COMMD1: variants seen among roughly 807,000 people sequenced by gnomAD.
COMMD1 encodes COMM domain-containing protein 1.
Under a neutral mutation model 17.2 loss-of-function variants are expected in COMMD1, and 10 were observed. That is an observed-to-expected ratio of 0.58 (90% CI 0.36 to 0.99). COMMD1 has a LOEUF of 0.99. Among genes scored for constraint, COMMD1 ranks in the 50% least tolerant of loss-of-function variants. The probability of loss-of-function intolerance (pLI) is 0.01; values close to 1 mark genes in which losing one functional copy is unlikely to be tolerated. For synonymous variants in COMMD1, 97 were observed against 91.6 expected, an observed-to-expected ratio of 1.06 and a Z score of -0.34; for missense variants, 270 against 231.8, an observed-to-expected ratio of 1.17 and a Z score of -1.07.
chr2:61,923,487 A>G (rs1350138870), intron 1 of COMMD1, among the ~76,000 whole-genome samples: 1 of 152,106 alleles, frequency 6.6e-6, no homozygotes, highest in African/African-American at 2.4e-5. Flanking sequence ...AACAGTTACT[A>G]GAATATAACA....
upstream of COMMD1, chr2:61,888,459 C>T (rs1278949487): frequency 1.9e-6 from 3 of 1,611,358 alleles, no homozygotes; most frequent in African/African-American, 2.7e-5. Context: ...CCGCGGCCGC[C>T]GGCAGCCCCG....
At chr2:62,027,219 T>C (rs750552222) in intron 2 of COMMD1, among the ~76,000 whole-genome samples, 1 of 152,222 alleles carries the variant, frequency 6.6e-6, no homozygotes, top group Non-Finnish European at 1.5e-5. Context: ...ATGTGGACTG[T>C]ATAGGTGTAG....
chr2:62,037,323 A>C (rs1367015788), intron 2 of COMMD1, among the ~76,000 whole-genome samples: 1 of 152,170 alleles, frequency 6.6e-6, no homozygotes, highest in Non-Finnish European at 1.5e-5. Context: ...TATAAACGAG[A>C]TGGTAATATT....
chr2:61,910,183 A>G (rs1314647482), intron 1 of COMMD1, among the ~76,000 whole-genome samples: 2 of 152,140 alleles, frequency 1.3e-5, no homozygotes, highest in East Asian at 3.9e-4. Flanking sequence ...ATTTAAGGAG[A>G]TAACATCCTA....
At chr2:61,968,035 C>T (rs1223074189) in intron 1 of COMMD1, among the ~76,000 whole-genome samples, 1 of 152,134 alleles carries the variant, frequency 6.6e-6, no homozygotes, top group African/African-American at 2.4e-5. Context: ...GTGGCGTGTG[C>T]CTGTAATCCC....
intron 1 of COMMD1, among the ~76,000 whole-genome samples, chr2:61,961,070 AGG>A (rs1017703595): frequency 6.6e-6 from 1 of 152,208 alleles, no homozygotes; most frequent in African/African-American, 2.4e-5. Flanking sequence ...TAGAGGGGAA[AGG>A]GAGCCCCACG....
At chr2:62,043,901 A>G (rs1025631824) in intron 2 of COMMD1, among the ~76,000 whole-genome samples, 1 of 152,124 alleles carries the variant, frequency 6.6e-6, no homozygotes. Context: ...TCCTGATGCT[A>G]TGTCAGTTTA....
chr2:61,992,274 G>C (rs1672271100), intron 1 of COMMD1, among the ~76,000 whole-genome samples: 1 of 152,150 alleles, frequency 6.6e-6, no homozygotes, highest in Non-Finnish European at 1.5e-5. Context: ...CCAAGTCAAA[G>C]TACAAGTTGT....
intron 2 of COMMD1, among the ~76,000 whole-genome samples, chr2:62,080,450 G>A (rs1436097842): frequency 1.3e-5 from 2 of 152,198 alleles, no homozygotes; most frequent in Non-Finnish European, 2.9e-5. Context: ...GTTGGTGCCT[G>A]AGATGTACAT....
chr2:62,012,327 ATT>A (rs57069379), intron 2 of COMMD1, among the ~76,000 whole-genome samples: 104 of 127,600 alleles, frequency 8.2e-4, no homozygotes, highest in Admixed American at 1.5e-3. Flanking sequence ...TTTGGCAGTG[ATT>A]TTTTTTTTTT....
At chr2:62,096,278 AAGAG>A (rs1356163539) in intron 2 of COMMD1, among the ~76,000 whole-genome samples, 2 of 152,254 alleles carry the variant, frequency 1.3e-5, no homozygotes, top group African/African-American at 4.8e-5. Flanking sequence ...GCAAAAAACT[AAGAG>A]GGAAGAGAAA....
At chr2:61,972,496 A>G (rs1028501953) in intron 1 of COMMD1, among the ~76,000 whole-genome samples, 2 of 152,202 alleles carry the variant, frequency 1.3e-5, no homozygotes, top group Non-Finnish European at 2.9e-5. Flanking sequence ...GAAAGGGGAA[A>G]AAAGCAATTT....
intron 1 of COMMD1, among the ~76,000 whole-genome samples, chr2:61,954,198 G>T (rs1290649937): frequency 6.6e-6 from 1 of 152,056 alleles, no homozygotes; most frequent in Non-Finnish European, 1.5e-5. Context: ...GACAGAGTGA[G>T]ACTCTGTCTC....
At chr2:62,068,095 A>G (rs1361254252) in intron 2 of COMMD1, among the ~76,000 whole-genome samples, 1 of 152,218 alleles carries the variant, frequency 6.6e-6, no homozygotes, top group African/African-American at 2.4e-5. Flanking sequence ...AGAAAGGATA[A>G]ATACCTAGGT....
intron 2 of COMMD1, among the ~76,000 whole-genome samples, chr2:62,002,902 G>A (rs1316411695): frequency 6.6e-6 from 1 of 151,918 alleles, no homozygotes; most frequent in Non-Finnish European, 1.5e-5. Context: ...ATAAAGTAGT[G>A]CTACTTGTAC....
At chr2:62,009,745 T>A (rs955298300) in intron 2 of COMMD1, among the ~76,000 whole-genome samples, 1 of 152,150 alleles carries the variant, frequency 6.6e-6, no homozygotes, top group Non-Finnish European at 1.5e-5. Context: ...ATTAGCTATT[T>A]GTAAACATAC....
At chr2:61,939,460 C>G (rs570413527) in intron 1 of COMMD1, among the ~76,000 whole-genome samples, 2 of 150,288 alleles carry the variant, frequency 1.3e-5, no homozygotes, top group South Asian at 4.2e-4. Context: ...AGCAAGACTC[C>G]GTCTCAGAAA....
chr2:61,990,099 G>C (rs114261483), intron 1 of COMMD1, among the ~76,000 whole-genome samples: 1,849 of 152,308 alleles, frequency 0.012, 42 homozygotes, highest in African/African-American at 0.043. Flanking sequence ...TAGGCAGAGA[G>C]AATAGCCTAG....
intron 1 of COMMD1, among the ~76,000 whole-genome samples, chr2:61,997,477 C>CT (rs1163337537): frequency 6.6e-6 from 1 of 152,094 alleles, no homozygotes; most frequent in Non-Finnish European, 1.5e-5. Context: ...CCTTGTACGT[C>CT]TCCATCAGAG....
Sources: gnomAD v4.1 joint callset for allele counts (sites outside exome capture counted in the v4.1 genomes callset) on GRCh38, gnomAD v4.1.1 for gene constraint, MANE v1.5 for transcripts, NCBI Gene and HGNC (gene_info 2026-07-23, HGNC 2026-07-21) for gene names.